The following SERPINA4 variants were observed in gnomAD, a reference collection of about 807,000 sequenced individuals.
SERPINA4 encodes the protein serpin family A member 4, also known as kallistatin.
Under a neutral mutation model 25.4 loss-of-function variants are expected in SERPINA4, and 24 were observed. The observed-to-expected ratio is 0.95, with a 90% confidence interval of 0.69 to 1.33. SERPINA4 has a LOEUF of 1.33. Ranked by LOEUF, SERPINA4 falls within the 40% of genes most tolerant of loss-of-function variation. SERPINA4 has a pLI of 0.00. For synonymous variants in SERPINA4, 242 were observed against 223.6 expected, an observed-to-expected ratio of 1.08 and a Z score of -0.73; for missense variants, 553 against 535.8, an observed-to-expected ratio of 1.03 and a Z score of -0.32.
In SERPINA4 at chr14:94,567,111, C is replaced by G. The variant is rs13306799; in HGVS notation, c.791C>G (p.Ser264Trp). 1 of 1,614,162 alleles carries G rather than the reference C, an allele frequency of 6.2e-7. No homozygotes were observed. The highest frequency in any genetic ancestry group is 1.1e-5 in the South Asian group (1 of 91,074). The stretch of plus-strand genomic sequence containing the variant: ...CTTCATGACAGATACTTGCCCTGCT[C>G]GGTGCTACGGATGGATTACAAAGGA... ...WYLHDRYLPC[S>W]VLRMDYKGDA... The change falls in exon 3 of 5, where the codon TCG (serine) becomes TGG (tryptophan). Residue 264 changes from serine (S) to tryptophan (W), a missense_variant. Ser to Trp is a radical substitution (Grantham distance 177, BLOSUM62 -3). Transcript: ENST00000557004.
chr14:94,561,683 CGACTTAGGGTCCATGGGCACTGGTGGGT>C (rs923484264), intron 1 of SERPINA4, 189 bp downstream of exon 1: 1 of 1,288,598 alleles, frequency 7.8e-7, no homozygotes, highest in African/African-American at 1.5e-5. Flanking sequence ...AGAAAGGCCC[CGACTTAGGGTCCATGGGCACTGGTGGGT>C]GACTATGCCC....
Position 94,563,952 on chromosome 14 carries a change from A to G in SERPINA4, c.470A>G (p.Asn157Ser). Residue 157 changes from asparagine to serine, a missense_variant, in exon 2 of 5, where the codon AAT (asparagine) becomes AGT (serine). Asn to Ser is a conservative substitution (Grantham distance 46). Transcript: ENST00000557004. Reference sequence around the variant, plus strand: ...CTGAAGTTCCTTGCAAAATTCCTGAATGACACCATGGCCGTCTATGAGGCT... The same window carrying G: ...CTGAAGTTCCTTGCAAAATTCCTGAGTGACACCATGGCCGTCTATGAGGCT... The part of the protein sequence containing the change: ...HNLKFLAKFL[N>S]DTMAVYEAKL... The G allele has an allele frequency of 6.2e-7, 1 of 1,614,198 alleles. No individual in the cohort carries two copies. Among genetic ancestry groups the G allele is most frequent in the Non-Finnish European group, 8.5e-7 (1 of 1,180,038 alleles).
chr14:94,566,389 C>T (rs765104571), intron 2 of SERPINA4, among the ~76,000 whole-genome samples: 12 of 152,318 alleles, frequency 7.9e-5, no homozygotes, highest in Non-Finnish European at 1.3e-4. Context: ...ACAGATTCGT[C>T]CTTCTCAAAT....
Position 94,564,558 on chromosome 14 carries a change from T to C in SERPINA4, c.649+427T>C, listed in dbSNP as rs1039299239. On this transcript the variant is annotated intron_variant, in intron 2 of 4. Transcript: ENST00000557004. ...CTCCTTAGAAAAGGGTCTAAAGAGA[T>C]GGGCAAACTACAGCCCATGGGCCAA... 4.6e-5 allele frequency among the ~76,000 whole-genome samples: 7 copies of C among 152,232 alleles called. No individual in the cohort carries two copies. The East Asian group carries it at 7.7e-4, about 17-fold the overall frequency.
chr14:94,562,601 TCAAA>T (rs574652544), intron 1 of SERPINA4, among the ~76,000 whole-genome samples: 2 of 152,010 alleles, frequency 1.3e-5, no homozygotes, highest in African/African-American at 2.4e-5. Context: ...AGACCCTGTC[TCAAA>T]CAAACAAACA....
intron 1 of SERPINA4, among the ~76,000 whole-genome samples, chr14:94,562,448 G>A (rs1055898994): frequency 6.6e-6 from 1 of 152,116 alleles, no homozygotes; most frequent in Admixed American, 6.5e-5. Flanking sequence ...GTGCATGCCT[G>A]TAGTTCCAGC....
intron 4 of SERPINA4, 141 bp downstream of exon 4, chr14:94,568,429 A>G (rs538402299): frequency 1.2e-6 from 1 of 852,028 alleles, no homozygotes; most frequent in East Asian, 2.7e-5. Flanking sequence ...ATCAGCATCC[A>G]CCAATCAACC....
intron 2 of SERPINA4, among the ~76,000 whole-genome samples, chr14:94,566,102 C>T (rs774047009): frequency 2.0e-4 from 31 of 152,128 alleles, no homozygotes; most frequent in Admixed American, 5.9e-4. Context: ...GATTCCATGG[C>T]CATCATTGTG....
At chr14:94,564,258 AC>A in intron 2 of SERPINA4, 127 bp downstream of exon 2, 2 of 911,450 alleles carry the variant, frequency 2.2e-6, no homozygotes, top group South Asian at 3.2e-5. Context: ...GGGTTGAGCA[AC>A]CCTCAGGGAA....
intron 2 of SERPINA4, among the ~76,000 whole-genome samples, chr14:94,565,168 C>G (rs1345562078): frequency 6.6e-6 from 1 of 152,202 alleles, no homozygotes; most frequent in African/African-American, 2.4e-5. Context: ...GCGGACAAGT[C>G]AGAGCTTAGA....
In SERPINA4 at chr14:94,563,721, T is replaced by C. The variant is rs747023132; in HGVS notation, c.239T>C (p.Leu80Pro). The change falls in exon 2 of 5, where the codon CTG becomes CCG. Residue 80 changes from leucine (L) to proline (P), a missense_variant. Leu to Pro is a moderately conservative substitution (Grantham distance 98, BLOSUM62 -3). Coordinates refer to ENST00000557004, the MANE Select transcript of SERPINA4 (RefSeq NM_006215.4). ...TPGKNIFFSP[L>P]SISAAYAMLS... is the part of the protein sequence containing the mutation. ...GGGAAGAACATCTTTTTCTCCCCGC[T>C]GAGCATCTCGGCGGCCTACGCCATG... The C allele has an allele frequency of 6.2e-7, 1 of 1,614,036 alleles. No individual in the cohort carries two copies. The highest frequency in any genetic ancestry group is 8.5e-7 in the Non-Finnish European group (1 of 1,180,042).
Position 94,567,048 on chromosome 14 carries a change from T to C in SERPINA4, c.728T>C (p.Val243Ala). ...GTTGATGAGAACACAACAGTCCGGG[T>C]GCCCATGATGCTGCAGGACCAGGAG... The part of the protein sequence containing the change: ...FYVDENTTVR[V>A]PMMLQDQEHH... Residue 243 changes from valine to alanine, a missense_variant, in exon 3 of 5, where the codon GTG becomes GCG. Coordinates refer to ENST00000557004, the MANE Select transcript of SERPINA4 (RefSeq NM_006215.4). 1 of 1,614,180 alleles carries C rather than the reference T, an allele frequency of 6.2e-7. No individual in the cohort carries two copies. The highest frequency in any genetic ancestry group is 1.3e-5 in the African/African-American group (1 of 75,046).
chr14:94,566,077 T>G (rs1902196255), intron 2 of SERPINA4, among the ~76,000 whole-genome samples: 1 of 152,130 alleles, frequency 6.6e-6, no homozygotes, highest in African/African-American at 2.4e-5. Context: ...TTTGCTTCCC[T>G]CCTCACACTG....
In SERPINA4 at chr14:94,569,546, C is replaced by T. The variant is rs143372998; in HGVS notation, c.1235C>T (p.Thr412Ile). Residue 412 changes from threonine (T) to isoleucine (I), a missense_variant, in exon 5 of 5, where the codon ACC (threonine) becomes ATC (isoleucine). Transcript: ENST00000557004. ...PFLVVIFSTS[T>I]QSVLFLGKVV... is the part of the protein sequence containing the mutation. The stretch of plus-strand genomic sequence containing the variant: ...CTTGTGGTGATCTTTTCCACCAGCA[C>T]CCAGAGTGTCCTCTTTCTGGGCAAG... The T allele has an allele frequency of 3.1e-6, 5 of 1,614,086 alleles. No homozygotes were observed. The South Asian group carries it at 4.4e-5, about 14-fold the overall frequency.
intron 1 of SERPINA4, chr14:94,561,721 C>T (rs183720617): frequency 9.0e-5 from 116 of 1,289,686 alleles, no homozygotes; most frequent in Non-Finnish European, 1.0e-4. Flanking sequence ...TGACTATGCC[C>T]GGAGACCCAG....
rs1259530065 is a variant in SERPINA4 at position 94,564,064 on chromosome 14, T to A, written c.582T>A (p.Ile194=). The A allele has an allele frequency of 6.8e-6, 11 of 1,608,134 alleles. No homozygotes were observed. Among genetic ancestry groups the A allele is most frequent in the Middle Eastern group, 1.6e-4 (1 of 6,062 alleles). The change falls in exon 2 of 5, where the codon ATT becomes ATA. Residue 194 remains isoleucine, a synonymous_variant. Transcript: ENST00000557004. Reference sequence around the variant, plus strand: ...TCAAGAAGGAAACTCGAGGGAAGATTGTGGATTTGGTCAGTGAGCTCAAGA... The same window carrying A: ...TCAAGAAGGAAACTCGAGGGAAGATAGTGGATTTGGTCAGTGAGCTCAAGA... The part of the protein sequence containing the change: ...DHVKKETRGK[I]VDLVSELKKD...
chr14:94,565,378 G>T (rs1305176628), intron 2 of SERPINA4, among the ~76,000 whole-genome samples: 1 of 152,116 alleles, frequency 6.6e-6, no homozygotes. Flanking sequence ...GACTACCAGG[G>T]CCTTCAGAGG....
intron 1 of SERPINA4, 149 bp from the exon 2 acceptor site, chr14:94,563,317 G>T: frequency 1.4e-6 from 1 of 728,504 alleles, no homozygotes; most frequent in Non-Finnish European, 2.3e-6. Context: ...TGTGGAAGGT[G>T]GTGGGTGTTA....
intron 1 of SERPINA4, 49 bp downstream of exon 1, chr14:94,561,543 T>G (rs1595061470): frequency 1.4e-6 from 1 of 709,314 alleles, no homozygotes; most frequent in Non-Finnish European, 2.0e-6. Context: ...AGAGGGAGGG[T>G]GACCAACTGT....
Sources: allele counts gnomAD v4.1 joint callset (sites outside exome capture counted in the v4.1 genomes callset), GRCh38; gene constraint gnomAD v4.1.1; transcripts MANE v1.5; gene names NCBI Gene and HGNC (gene_info 2026-07-23, HGNC 2026-07-21).